RNF8: variants seen among roughly 807,000 people sequenced by gnomAD.
RNF8 encodes ring finger protein 8, also known as E3 ubiquitin-protein ligase RNF8.
In RNF8, 8 loss-of-function variants were observed where a neutral mutation model predicts 59.3. That is an observed-to-expected ratio of 0.13 (90% CI 0.08 to 0.24). The LOEUF (loss-of-function observed/expected upper bound fraction) is 0.24. Ranked by LOEUF, RNF8 falls within the 10% of genes least tolerant of loss-of-function variation. RNF8 has a pLI of 1.00. For missense variants in RNF8, 406 were observed against 572.6 expected, an observed-to-expected ratio of 0.71 and a Z score of 2.97; for synonymous variants, 162 against 200.0, an observed-to-expected ratio of 0.81 and a Z score of 1.60.
chr6:37,373,832 AT>A (rs1426248653), intron 4 of RNF8, among the ~76,000 whole-genome samples: 3 of 152,246 alleles, frequency 2.0e-5, no homozygotes, highest in Admixed American at 2.0e-4. Flanking sequence ...ACATTTTAAA[AT>A]TTGGTTCTTG....
chr6:37,389,887 G>A (rs1272124039), intron 7 of RNF8, among the ~76,000 whole-genome samples: 2 of 152,230 alleles, frequency 1.3e-5, no homozygotes, highest in Admixed American at 6.5e-5. Context: ...AGGCTACCCA[G>A]AAGTGGGAGA....
At chr6:37,370,701 CTT>C (rs5875582) in intron 3 of RNF8, among the ~76,000 whole-genome samples, 8 of 142,256 alleles carry the variant, frequency 5.6e-5, no homozygotes, top group Admixed American at 7.0e-5. Flanking sequence ...CTCCTTCACA[CTT>C]TTTTTTTTTT....
chr6:37,380,383 A>C (rs1770202042), intron 6 of RNF8, among the ~76,000 whole-genome samples: 2 of 151,964 alleles, frequency 1.3e-5, no homozygotes, highest in Admixed American at 1.3e-4. Flanking sequence ...AAAATTTCCC[A>C]ACCCAGGCCG....
chr6:37,371,584 C>T lies in RNF8; in HGVS notation c.1038+10C>T, dbSNP rs747599345. On this transcript the variant is annotated intron_variant, in intron 4 of 7. Transcript: ENST00000373479. Reference sequence around the variant, plus strand: ...CCAGGCTCTGCAGGAGGTAACTTTGCCATAGTACTAAGATTATAGTGGGCT... The same window carrying T: ...CCAGGCTCTGCAGGAGGTAACTTTGTCATAGTACTAAGATTATAGTGGGCT... The T allele has an allele frequency of 4.3e-6, 7 of 1,611,390 alleles. No homozygotes were observed. The highest frequency in any genetic ancestry group is 5.1e-6 in the Non-Finnish European group (6 of 1,177,852).
chr6:37,382,085 T>G (rs1770290484), intron 7 of RNF8, among the ~76,000 whole-genome samples: 1 of 152,044 alleles, frequency 6.6e-6, no homozygotes, highest in South Asian at 2.1e-4. Context: ...CTCCCATCAC[T>G]CCATAAGCAT....
At chr6:37,366,660 G>GT (rs1418524053) in intron 2 of RNF8, among the ~76,000 whole-genome samples, 2 of 151,336 alleles carry the variant, frequency 1.3e-5, no homozygotes, top group African/African-American at 4.8e-5. Context: ...TTTACCCTCT[G>GT]TGCCTTGTGG....
At chr6:37,355,145 G>C (rs1345572945) in intron 1 of RNF8, among the ~76,000 whole-genome samples, 1 of 152,152 alleles carries the variant, frequency 6.6e-6, no homozygotes, top group Non-Finnish European at 1.5e-5. Flanking sequence ...ATGCACCAGC[G>C]TGGTGCATCT....
Position 37,360,407 on chromosome 6 carries a change from A to G in RNF8, c.112-39A>G. The G allele has an allele frequency of 4.3e-6, 7 of 1,610,244 alleles. No homozygotes were observed. The highest frequency in any genetic ancestry group is 1.4e-5 in the African/African-American group (1 of 73,366). ...GTAAAGGACCTCCCTTTTCAGCACA[A>G]TGACTGATGGTATTTCTTGCATTGT... On this transcript the variant is annotated intron_variant, in intron 1 of 7. Transcript: ENST00000373479. The surrounding 1 kb of genome is among the most constrained non-coding windows in gnomAD (Gnocchi z 4.2).
intron 6 of RNF8, among the ~76,000 whole-genome samples, chr6:37,378,233 A>G (rs1217555984): frequency 1.3e-5 from 2 of 151,964 alleles, no homozygotes; most frequent in South Asian, 2.1e-4. Flanking sequence ...GGCGGAGGCT[A>G]CAGTGAGTCG....
chr6:37,361,887 C>T (rs897637993), intron 2 of RNF8, among the ~76,000 whole-genome samples: 3 of 152,146 alleles, frequency 2.0e-5, no homozygotes, highest in South Asian at 2.1e-4. Context: ...CTACTTTAAC[C>T]CCTTATGTAG....
chr6:37,390,402 G>T (rs930335286), intron 7 of RNF8, among the ~76,000 whole-genome samples: 1 of 152,132 alleles, frequency 6.6e-6, no homozygotes, highest in Non-Finnish European at 1.5e-5. Context: ...GGGAAAGAGG[G>T]AATGGTAAGG....
At chr6:37,373,252 TCA>T (rs1769882486) in intron 4 of RNF8, among the ~76,000 whole-genome samples, 2 of 152,060 alleles carry the variant, frequency 1.3e-5, no homozygotes, top group African/African-American at 4.8e-5. Context: ...GTCCAGACCT[TCA>T]CTGCCCTAAG....
chr6:37,378,713 A>G (rs1408985707), intron 6 of RNF8, among the ~76,000 whole-genome samples: 2 of 152,196 alleles, frequency 1.3e-5, no homozygotes, highest in Non-Finnish European at 2.9e-5. Context: ...CCTGGGCAGA[A>G]CTGTTTCTTT....
chr6:37,378,287 T>A (rs953307326), intron 6 of RNF8, among the ~76,000 whole-genome samples: 1 of 150,382 alleles, frequency 6.6e-6, no homozygotes, highest in Admixed American at 6.6e-5. Flanking sequence ...GAGCAAGGCA[T>A]GAAAAAAAAG....
At chr6:37,379,927 T>C (rs1044187375) in intron 6 of RNF8, among the ~76,000 whole-genome samples, 11 of 152,304 alleles carry the variant, frequency 7.2e-5, no homozygotes, top group African/African-American at 2.6e-4. Context: ...TTTGTTTGTT[T>C]TTTCCAGACA....
intron 7 of RNF8, among the ~76,000 whole-genome samples, chr6:37,383,288 A>T (rs546947782): frequency 2.8e-4 from 42 of 152,344 alleles, no homozygotes; most frequent in African/African-American, 1.0e-3. Flanking sequence ...AGGGAAAGAC[A>T]TGCCAGAGCT....
intron 4 of RNF8, 81 bp downstream of exon 4, chr6:37,371,655 T>G: frequency 8.5e-7 from 1 of 1,170,778 alleles, no homozygotes; most frequent in South Asian, 1.3e-5. Context: ...TGGCTGCCTC[T>G]GCTGCTTAGC....
chr6:37,392,318 G>C lies in RNF8; in HGVS notation c.*1560G>C, dbSNP rs902878141. ...TCAATTTTTATATGTTCTGTGTTTA[G>C]TTTACATATTGTAATTCATTTTTAA... On this transcript the variant is annotated 3_prime_UTR_variant, in exon 8 of 8. Coordinates refer to ENST00000373479, the MANE Select transcript of RNF8 (RefSeq NM_003958.4). The C allele has an allele frequency of 7.6e-6, 3 of 397,220 alleles. No individual in the cohort carries two copies. The highest frequency in any genetic ancestry group is 1.3e-5 in the Non-Finnish European group (3 of 225,786). The allele number at this position is 397,220 out of a possible 1,614,324, so 24.6% of individuals were successfully genotyped here. A position where few individuals can be genotyped will look rare whatever the true frequency, so the allele number is the denominator to read the frequency against.
At chr6:37,381,555 T>G (rs1245407828) in intron 7 of RNF8, among the ~76,000 whole-genome samples, 1 of 152,132 alleles carries the variant, frequency 6.6e-6, no homozygotes, top group Non-Finnish European at 1.5e-5. Flanking sequence ...AACTGTTACT[T>G]GAGCAGCAGG....
Sources: allele counts gnomAD v4.1 joint callset (sites outside exome capture counted in the v4.1 genomes callset), GRCh38; gene constraint gnomAD v4.1.1; non-coding constraint Gnocchi (gnomAD v3.1); transcripts MANE v1.5; gene names NCBI Gene and HGNC (gene_info 2026-07-23, HGNC 2026-07-21).